The following EML4 variants were observed in gnomAD, a reference collection of about 807,000 sequenced individuals.
EML4 encodes EMAP like 4.
Under a neutral mutation model 129.0 loss-of-function variants are expected in EML4, and 72 were observed. The ratio of observed to expected loss-of-function variants is 0.56; its 90% CI spans 0.46 to 0.68. The LOEUF (loss-of-function observed/expected upper bound fraction) is 0.68. EML4 is among the 30% of genes least tolerant of loss of function. The probability of loss-of-function intolerance (pLI) is 0.00; values close to 1 mark genes in which losing one functional copy is unlikely to be tolerated. For synonymous variants in EML4, 532 were observed against 405.0 expected, an observed-to-expected ratio of 1.31 and a Z score of -3.77; for missense variants, 1,363 against 1,190.6, an observed-to-expected ratio of 1.14 and a Z score of -2.13.
At chr2:42,177,297 T>C (rs571444679) in intron 1 of EML4, among the ~76,000 whole-genome samples, 42 of 152,206 alleles carry the variant, frequency 2.8e-4, no homozygotes, top group Non-Finnish European at 2.9e-5. Context: ...ACCAAAAGAT[T>C]GTAATACACA....
At chr2:42,314,393 C>G (rs1354121791) in intron 17 of EML4, among the ~76,000 whole-genome samples, 1 of 151,740 alleles carries the variant, frequency 6.6e-6, no homozygotes, top group Admixed American at 6.6e-5. Context: ...TTGCCCTGTT[C>G]AGTTCATGAA....
chr2:42,172,852 T>G (rs955032873), intron 1 of EML4, among the ~76,000 whole-genome samples: 2 of 152,214 alleles, frequency 1.3e-5, no homozygotes, highest in African/African-American at 4.8e-5. Flanking sequence ...CATTTCATGC[T>G]TAATCTTTTT....
At chr2:42,175,636 T>A (rs1349319573) in intron 1 of EML4, among the ~76,000 whole-genome samples, 5 of 152,054 alleles carry the variant, frequency 3.3e-5, no homozygotes, top group Non-Finnish European at 7.4e-5. Flanking sequence ...GTAGCTGAGA[T>A]GACAGGTGTG....
At chr2:42,294,729 C>T (rs1329965142) in intron 11 of EML4, among the ~76,000 whole-genome samples, 2 of 151,924 alleles carry the variant, frequency 1.3e-5, no homozygotes, top group East Asian at 1.9e-4. Context: ...TGAATGAATG[C>T]TCCATAATAA....
intron 1 of EML4, among the ~76,000 whole-genome samples, chr2:42,185,276 C>T (rs1030992417): frequency 2.0e-5 from 3 of 151,976 alleles, no homozygotes; most frequent in Non-Finnish European, 2.9e-5. Flanking sequence ...TATTGTGACA[C>T]GTGAAAATTA....
chr2:42,278,561 G>A (rs1228868928), intron 6 of EML4, among the ~76,000 whole-genome samples: 7 of 134,290 alleles, frequency 5.2e-5, no homozygotes, highest in African/African-American at 1.5e-4. Flanking sequence ...GTGACAGAGC[G>A]GGACTCCATC....
chr2:42,316,284 A>G (rs117184245), intron 18 of EML4, among the ~76,000 whole-genome samples: 2 of 152,230 alleles, frequency 1.3e-5, no homozygotes, highest in Non-Finnish European at 2.9e-5. Context: ...TGCATTTGCA[A>G]TTGAAAGCAG....
chr2:42,319,648 T>C (rs1669419284), intron 19 of EML4: 1 of 152,254 alleles, frequency 6.6e-6, no homozygotes, highest in South Asian at 2.1e-4. Flanking sequence ...CTGTCTCTGC[T>C]GCTTACTAGT....
intron 1 of EML4, among the ~76,000 whole-genome samples, chr2:42,209,529 A>G (rs950284029): frequency 6.6e-6 from 1 of 152,222 alleles, no homozygotes; most frequent in African/African-American, 2.4e-5. Context: ...TTCCTCATAA[A>G]TGTTTTTCAA....
At chr2:42,329,094 T>C (rs1050698173) in intron 22 of EML4, 78 bp downstream of exon 22, 30 of 1,437,100 alleles carry the variant, frequency 2.1e-5, no homozygotes, top group African/African-American at 5.6e-5. Context: ...CAAGAAAATA[T>C]AGGTTACTGA....
intron 1 of EML4, among the ~76,000 whole-genome samples, chr2:42,220,374 A>G (rs1673509180): frequency 6.6e-6 from 1 of 151,994 alleles, no homozygotes. Flanking sequence ...CAGTATTTCA[A>G]ACTTTTTCAC....
chr2:42,195,785 C>T (rs991780361), intron 1 of EML4, among the ~76,000 whole-genome samples: 3 of 152,164 alleles, frequency 2.0e-5, no homozygotes, highest in Non-Finnish European at 2.9e-5. Flanking sequence ...TACATATTTA[C>T]TACAGGAAGC....
intron 2 of EML4, among the ~76,000 whole-genome samples, chr2:42,254,464 A>G (rs892620947): frequency 6.6e-6 from 1 of 151,964 alleles, no homozygotes; most frequent in African/African-American, 2.4e-5. Context: ...TCTCAAAAAA[A>G]AAAAAAAGAC....
chr2:42,325,637 T>C (rs953434171), intron 20 of EML4, 83 bp downstream of exon 20: 3 of 204,854 alleles, frequency 1.5e-5, no homozygotes, highest in Non-Finnish European at 2.7e-5. Context: ...TATATATATA[T>C]ATGCTAAGAT....
At chr2:42,325,306 G>A (rs186273295) in intron 19 of EML4, 161 bp from the exon 20 acceptor site, 2 of 632,798 alleles carry the variant, frequency 3.2e-6, no homozygotes, top group Non-Finnish European at 6.1e-6. Flanking sequence ...AAGTGCTGAG[G>A]ATTTGCTGTG....
intron 19 of EML4, chr2:42,319,390 G>A (rs1669406575): frequency 1.3e-5 from 2 of 152,174 alleles, no homozygotes; most frequent in South Asian, 4.1e-4. Context: ...ATCCAGTTAG[G>A]CAGTTCTTTG....
chr2:42,330,225 A>G lies in EML4; in HGVS notation c.*18A>G. Reference sequence around the variant, plus strand: ...CGTCCTAACACCCTGGCTTCAGTGCAACTCTTTTCCTTCAGCTGCATGTGA... The same window carrying G: ...CGTCCTAACACCCTGGCTTCAGTGCGACTCTTTTCCTTCAGCTGCATGTGA... On this transcript the variant is annotated 3_prime_UTR_variant, in exon 23 of 23. Transcript: ENST00000318522. 2 of 1,604,772 alleles carry G rather than the reference A, an allele frequency of 1.2e-6. No individual in the cohort carries two copies. The highest frequency in any genetic ancestry group is 1.1e-5 in the South Asian group (1 of 90,782).
intron 1 of EML4, among the ~76,000 whole-genome samples, chr2:42,184,572 G>T (rs986226910): frequency 6.6e-6 from 1 of 151,918 alleles, no homozygotes; most frequent in African/African-American, 2.4e-5. Context: ...GATTCCCTCT[G>T]TATCCCTTTT....
intron 17 of EML4, among the ~76,000 whole-genome samples, chr2:42,306,317 A>C (rs978117296): frequency 3.3e-5 from 5 of 152,120 alleles, no homozygotes; most frequent in African/African-American, 1.2e-4. Flanking sequence ...AGCACACAGG[A>C]AACCATCTGA....
Sources: allele counts gnomAD v4.1 joint callset (sites outside exome capture counted in the v4.1 genomes callset), GRCh38; gene constraint gnomAD v4.1.1; transcripts MANE v1.5; gene names NCBI Gene and HGNC (gene_info 2026-07-23, HGNC 2026-07-21).